The following FGF12 variants were observed in gnomAD, a reference collection of about 807,000 sequenced individuals.
FGF12 encodes fibroblast growth factor 12B.
A neutral mutation model predicts 23.6 loss-of-function variants in FGF12; 14 were observed. The ratio of observed to expected loss-of-function variants is 0.59; its 90% CI spans 0.39 to 0.93. The LOEUF is 0.93. FGF12 is among the 40% of genes least tolerant of loss of function. The probability of loss-of-function intolerance (pLI) is 0.00; values close to 1 mark genes in which losing one functional copy is unlikely to be tolerated. For synonymous variants in FGF12, 62 were observed against 77.3 expected, an observed-to-expected ratio of 0.80 and a Z score of 1.04; for missense variants, 175 against 217.8, an observed-to-expected ratio of 0.80 and a Z score of 1.24.
At chr3:192,560,450 A>G (rs554669342) in intron 2 of FGF12, among the ~76,000 whole-genome samples, 2 of 152,182 alleles carry the variant, frequency 1.3e-5, no homozygotes, top group South Asian at 2.1e-4. Context: ...GTTAAACCCT[A>G]ACATAGGTAC....
intron 2 of FGF12, among the ~76,000 whole-genome samples, chr3:192,378,094 C>CTTTCTTTCTTTCTTTCTTTCTTTCTTTCT (rs1354979179): frequency 1.5e-5 from 1 of 67,158 alleles, no homozygotes; most frequent in Non-Finnish European, 3.0e-5. Flanking sequence ...TTCTTTCTTT[C>CTTTCTTTCTTTCTTTCTTTCTTTCTTTCT]TTCTTTCTTT....
intron 2 of FGF12, chr3:192,673,248 C>G (rs1717196723): frequency 6.6e-6 from 1 of 150,800 alleles, no homozygotes; most frequent in Non-Finnish European, 1.5e-5. Flanking sequence ...TAGAAAGGGG[C>G]AACCACAAAG....
chr3:192,232,719 T>A (rs1719087548), intron 4 of FGF12, among the ~76,000 whole-genome samples: 1 of 151,968 alleles, frequency 6.6e-6, no homozygotes, highest in Admixed American at 6.6e-5. Context: ...CACCTTCAAA[T>A]AGGTCCCAGT....
At chr3:192,436,911 G>C (rs1275852774) in intron 2 of FGF12, among the ~76,000 whole-genome samples, 1 of 152,178 alleles carries the variant, frequency 6.6e-6, no homozygotes, top group African/African-American at 2.4e-5. Context: ...AGGACACAAA[G>C]ATTAATGTAT....
chr3:192,196,655 G>A (rs1717084369), intron 4 of FGF12, among the ~76,000 whole-genome samples: 1 of 152,148 alleles, frequency 6.6e-6, no homozygotes, highest in South Asian at 2.1e-4. Flanking sequence ...ATTCTAGGGT[G>A]TAAATTTCTA....
chr3:192,523,392 C>T (rs1226505660), intron 2 of FGF12, among the ~76,000 whole-genome samples: 1 of 152,130 alleles, frequency 6.6e-6, no homozygotes, highest in East Asian at 1.9e-4. Context: ...TACTTTTAAA[C>T]TATATATTCA....
chr3:192,552,897 AAAAAC>A (rs1711593966), intron 2 of FGF12, among the ~76,000 whole-genome samples: 1 of 152,184 alleles, frequency 6.6e-6, no homozygotes, highest in Non-Finnish European at 1.5e-5. Flanking sequence ...TCTCAAAAAC[AAAAAC>A]AAAACAAAAC....
chr3:192,263,199 A>G (rs547885127), intron 4 of FGF12, among the ~76,000 whole-genome samples: 1 of 152,210 alleles, frequency 6.6e-6, no homozygotes, highest in African/African-American at 2.4e-5. Flanking sequence ...AAAATGGTCC[A>G]TTGTAAAATG....
At position 192,664,594 on chromosome 3, in the gene FGF12, C is replaced by CAAAAAAAAAAAAAAAAA. The variant is rs1482447213; in HGVS notation, c.13+62586_13+62587insTTTTTTTTTTTTTTTTT. ...TGAAACCCTGTCTCTACTAAAAATA[C>CAAAAAAAAAAAAAAAAA]AAAAAAAATACAAAAAAAAAAAAAA... On this transcript the variant is annotated intron_variant, in intron 2 of 5. Coordinates refer to ENST00000445105, the MANE Select transcript of FGF12 (RefSeq NM_004113.6). Among the ~76,000 whole-genome samples the CAAAAAAAAAAAAAAAAA allele has an allele frequency of 7.3e-4, 71 of 96,998 alleles. 6 individuals carry two copies. The highest frequency in any genetic ancestry group is 0.014 in the Middle Eastern group (2 of 144). 63.6% of individuals were successfully genotyped at this position (96,998 alleles called of 152,430 possible).
intron 2 of FGF12, among the ~76,000 whole-genome samples, chr3:192,527,841 G>A (rs1038444126): frequency 8.5e-5 from 13 of 152,238 alleles, no homozygotes; most frequent in East Asian, 1.9e-4. Flanking sequence ...CTCACATGGC[G>A]GCAGACAAGA....
intron 4 of FGF12, among the ~76,000 whole-genome samples, chr3:192,321,428 A>G (rs1716528566): frequency 2.0e-5 from 3 of 151,182 alleles, no homozygotes; most frequent in South Asian, 2.1e-4. Flanking sequence ...AAAATAGAAG[A>G]GGAGGGAATA....
At chr3:192,405,837 T>C (rs1227772944) in intron 2 of FGF12, among the ~76,000 whole-genome samples, 2 of 152,200 alleles carry the variant, frequency 1.3e-5, no homozygotes, top group South Asian at 2.1e-4. Flanking sequence ...GTGAAGATAA[T>C]AGCACACTAT....
intron 5 of FGF12, among the ~76,000 whole-genome samples, chr3:192,155,723 A>G (rs2108594586): frequency 1.3e-5 from 2 of 152,328 alleles, no homozygotes; most frequent in South Asian, 4.1e-4. Flanking sequence ...GAGTTCTGCT[A>G]TTAATTTCTA....
intron 2 of FGF12, among the ~76,000 whole-genome samples, chr3:192,549,981 G>A (rs1725591177): frequency 6.6e-6 from 1 of 151,932 alleles, no homozygotes; most frequent in Non-Finnish European, 1.5e-5. Context: ...AAACATGTGA[G>A]CCAATCTCTT....
At chr3:192,477,442 T>C (rs1025968359) in intron 2 of FGF12, among the ~76,000 whole-genome samples, 15 of 152,208 alleles carry the variant, frequency 9.9e-5, no homozygotes, top group African/African-American at 3.4e-4. Context: ...TATTGCAGTA[T>C]AGTTTATAGA....
chr3:192,403,000 A>G (rs1720825410), intron 2 of FGF12, among the ~76,000 whole-genome samples: 1 of 152,228 alleles, frequency 6.6e-6, no homozygotes, highest in South Asian at 2.1e-4. Context: ...GAATCATCAT[A>G]CAATCTATAA....
At chr3:192,570,050 C>T (rs1712522617) in intron 2 of FGF12, among the ~76,000 whole-genome samples, 1 of 151,994 alleles carries the variant, frequency 6.6e-6, no homozygotes, top group African/African-American at 2.4e-5. Context: ...AAGTAAGAAC[C>T]AGAATCTATA....
chr3:192,415,707 C>G (rs1402920328), intron 2 of FGF12, among the ~76,000 whole-genome samples: 3 of 147,354 alleles, frequency 2.0e-5, no homozygotes, highest in Admixed American at 1.4e-4. Context: ...ATTTTCAGTT[C>G]TGATACTTCT....
intron 4 of FGF12, among the ~76,000 whole-genome samples, chr3:192,223,918 G>A (rs1718599141): frequency 6.6e-6 from 1 of 151,954 alleles, no homozygotes. Flanking sequence ...CACCAAGAAG[G>A]CACTTCCCCA....
Sources: allele counts gnomAD v4.1 joint callset (sites outside exome capture counted in the v4.1 genomes callset), GRCh38; gene constraint gnomAD v4.1.1; transcripts MANE v1.5; gene names NCBI Gene and HGNC (gene_info 2026-07-23, HGNC 2026-07-21).